Variants in CXCL9 observed in about 807,000 individuals in gnomAD.
CXCL9 encodes C-X-C motif chemokine 9.
Under a neutral mutation model 11.7 loss-of-function variants are expected in CXCL9, and 8 were observed. The ratio of observed to expected loss-of-function variants is 0.68; its 90% confidence interval spans 0.40 to 1.23. The LOEUF (loss-of-function observed/expected upper bound fraction) is 1.23, where lower values mean the gene tolerates loss of function less well. Ranked by LOEUF, CXCL9 falls within the 50% of genes most tolerant of loss-of-function variation. The pLI is 0.01. For synonymous variants in CXCL9, 43 were observed against 48.2 expected (o/e 0.89, Z 0.45); for missense variants, 133 against 141.7 (o/e 0.94, Z 0.31).
intron 1 of CXCL9, 114 bp from the exon 2 acceptor site, chr4:76,006,388 G>T: frequency 9.4e-7 from 1 of 1,068,238 alleles, no homozygotes. Context: ...TTTACCGAGT[G>T]CCTAAAAATA....
At chr4:76,007,287 C>T in intron 1 of CXCL9, 99 bp downstream of exon 1, 2 of 798,224 alleles carry the variant, frequency 2.5e-6, no homozygotes, top group South Asian at 2.7e-5. Flanking sequence ...AAATATTACT[C>T]TTCAATGCAG....
At chr4:76,006,125 A>C (rs190961446) in intron 2 of CXCL9, 23 bp downstream of exon 2, 17 of 1,608,884 alleles carry the variant, frequency 1.1e-5, no homozygotes, top group Non-Finnish European at 1.4e-5. Context: ...TGGTGCATGC[A>C]TGTTAGCTGG....
In CXCL9 at chr4:76,004,692, T is replaced by G. The variant is rs113881582; in HGVS notation, c.276+117A>C. The G allele has an allele frequency of 3.4e-4, 467 of 1,355,382 alleles. 3 individuals are homozygous for G. In the African/African-American group the frequency reaches 6.3e-3, roughly 18 times the overall value. The allele number at this position is 1,355,382 out of a possible 1,614,324, so 84.0% of individuals were successfully genotyped here. A position where few individuals can be genotyped will look rare whatever the true frequency, so the allele number is the denominator to read the frequency against. On this transcript the variant is annotated intron_variant, in intron 3 of 3. Coordinates refer to ENST00000264888, the MANE Select transcript of CXCL9 (RefSeq NM_002416.3). Reference sequence around the variant, plus strand: ...CAAAATAGAAGCACCATAATATGAATGAAAAATGTATTCTTAAAAGTTATG... The same window carrying G: ...CAAAATAGAAGCACCATAATATGAAGGAAAAATGTATTCTTAAAAGTTATG...
rs1731479634 is a variant in CXCL9, at chr4:76,002,146, G to C, written c.*1452C>G. Reference sequence around the variant, plus strand: ...AAGGATCTCGGTGGCTATCTTGTTAGATCTTAGAAAGCTGAGGCTTATTGA... The same window carrying C: ...AAGGATCTCGGTGGCTATCTTGTTACATCTTAGAAAGCTGAGGCTTATTGA... On this transcript the variant is annotated 3_prime_UTR_variant, in exon 4 of 4. Coordinates refer to ENST00000264888, the MANE Select transcript of CXCL9 (RefSeq NM_002416.3). The C allele has an allele frequency of 2.6e-6, 1 of 391,844 alleles. No individual in the cohort carries two copies. The highest frequency in any genetic ancestry group is 4.5e-6 in the Non-Finnish European group (1 of 223,566). The allele number at this position is 391,844 out of a possible 1,614,324, so 24.3% of individuals were successfully genotyped here. A position where few individuals can be genotyped will look rare whatever the true frequency, so the allele number is the denominator to read the frequency against.
At position 76,003,832 on chromosome 4, in the gene CXCL9, A is replaced by G. The variant is rs546415215; in HGVS notation, c.277-133T>C. ...CACATTAAAGTCACTTCACTCTCAGAGGGGCTCCCTTAGATTCTCTCTACT... is the reference window on the plus strand; with the variant it reads ...CACATTAAAGTCACTTCACTCTCAGGGGGGCTCCCTTAGATTCTCTCTACT... On this transcript the variant is annotated intron_variant, in intron 3 of 3. Transcript: ENST00000264888. The G allele has an allele frequency of 7.0e-4, 435 of 618,738 alleles. 3 individuals are homozygous for G. The highest frequency in any genetic ancestry group is 5.2e-3 in the Middle Eastern group (12 of 2,308). The allele number at this position is 618,738 out of a possible 1,614,324, so 38.3% of individuals were successfully genotyped here.
In CXCL9 at chr4:76,006,366, T is replaced by C. The variant is rs1050901371; in HGVS notation, c.65-92A>G. On this transcript the variant is annotated intron_variant, in intron 1 of 3. Transcript: ENST00000264888. Reference sequence around the variant, plus strand: ...AATGATACACTTGACTGAGTCATGATTATTGCTATCATTTACCGAGTGCCT... The same window carrying C: ...AATGATACACTTGACTGAGTCATGACTATTGCTATCATTTACCGAGTGCCT... 2.3e-6 allele frequency: 3 copies of C among 1,292,992 alleles called. No individual in the cohort carries two copies. In the African/African-American group the frequency reaches 4.5e-5, roughly 19 times the overall value. The allele number at this position is 1,292,992 out of a possible 1,614,324, so 80.1% of individuals were successfully genotyped here. A position where few individuals can be genotyped will look rare whatever the true frequency, so the allele number is the denominator to read the frequency against.
At chr4:76,004,955 G>A (rs1731557012) in intron 2 of CXCL9, 62 bp from the exon 3 acceptor site, 1 of 1,467,016 alleles carries the variant, frequency 6.8e-7, no homozygotes, top group Non-Finnish European at 9.0e-7. Flanking sequence ...CTTCTTCTCA[G>A]AAATAATGAA....
At position 76,003,651 on chromosome 4, in the gene CXCL9, T is replaced by C; in HGVS notation, c.325A>G (p.Lys109Glu). Residue 109 changes from lysine to glutamate, a missense_variant, in exon 4 of 4, where the codon AAA becomes GAA. Transcript: ENST00000264888. ...QKNGKKHQKK[K>E]VLKVRKSQRS... is the part of the protein sequence containing the mutation. ...TGAGATTTTCGAACTTTCAGAACTT[T>C]CTTTTTTTGATGTTTTTTCCCATTC... 1 of 1,613,010 alleles carries C rather than the reference T, an allele frequency of 6.2e-7. No individual in the cohort carries two copies. Among genetic ancestry groups the C allele is most frequent in the African/African-American group, 1.3e-5 (1 of 75,026 alleles).
chr4:76,006,039 A>G (rs777139160), intron 2 of CXCL9, 109 bp downstream of exon 2: 12 of 969,092 alleles, frequency 1.2e-5, no homozygotes, highest in Non-Finnish European at 1.9e-5. Flanking sequence ...GGGGGTAACC[A>G]TCTGATTTTT....
At position 76,003,584 on chromosome 4, in the gene CXCL9, GGT is replaced by G; in HGVS notation, c.*12_*13del. 7.1e-7 allele frequency: 1 copy of G among 1,402,148 alleles called. No homozygotes were observed. Among genetic ancestry groups the G allele is most frequent in the Non-Finnish European group, 1.0e-6 (1 of 992,336 alleles). 86.9% of individuals were successfully genotyped at this position (1,402,148 alleles called of 1,614,324 possible). A position where few individuals can be genotyped will look rare whatever the true frequency, so the allele number is the denominator to read the frequency against. ...ACATTTTTAACACAGAATACTTATT[GGT>G]GAAGTGGTCTCTTATGTAGTCTTCT... is the stretch of plus-strand genomic sequence containing the variant. On this transcript the variant is annotated 3_prime_UTR_variant, in exon 4 of 4. Transcript: ENST00000264888.
chr4:76,005,845 C>T (rs555517029), intron 2 of CXCL9: 2 of 252,686 alleles, frequency 7.9e-6, no homozygotes, highest in African/African-American at 2.2e-5. Context: ...AAACTGTATA[C>T]TAAGGGGTTA....
In CXCL9 at chr4:76,002,081, C is replaced by T. The variant is rs771401249; in HGVS notation, c.*1517G>A. 3.4e-5 allele frequency: 13 copies of T among 381,910 alleles called. No homozygotes were observed. The highest frequency in any genetic ancestry group is 5.5e-5 in the Non-Finnish European group (12 of 216,306). The allele number at this position is 381,910 out of a possible 1,614,324, so 23.7% of individuals were successfully genotyped here. A position where few individuals can be genotyped will look rare whatever the true frequency, so the allele number is the denominator to read the frequency against. ...CAATACAAACTCTGAAACAAGTAAA[C>T]GGACAATAAAACTCATATTTGCCTA... On this transcript the variant is annotated 3_prime_UTR_variant, in exon 4 of 4. Coordinates refer to ENST00000264888, the MANE Select transcript of CXCL9 (RefSeq NM_002416.3).
intron 3 of CXCL9, 32 bp downstream of exon 3, chr4:76,004,775 AAG>A (rs765669638): frequency 1.5e-5 from 23 of 1,583,018 alleles, no homozygotes; most frequent in Non-Finnish European, 1.8e-5. Flanking sequence ...TAATTTCTAA[AAG>A]AAAGAAAATT....
chr4:76,007,427 A>T lies in CXCL9; in HGVS notation c.23T>A (p.Phe8Tyr). MKKSGVL[F>Y]LLGIILLVLI... ...AACCAGCAAGATGATGCCCAAGAGG[A>T]AAAGAACACCACTTTTCTTCATAGT... Residue 8 changes from phenylalanine (F) to tyrosine (Y), a missense_variant, in exon 1 of 4, where the codon TTC becomes TAC. Physicochemically the swap from Phe to Tyr is conservative, Grantham distance 22. Transcript: ENST00000264888. The T allele has an allele frequency of 6.2e-7, 1 of 1,600,688 alleles. No individual in the cohort carries two copies. Among genetic ancestry groups the T allele is most frequent in the Non-Finnish European group, 8.6e-7 (1 of 1,167,770 alleles).
Position 76,002,372 on chromosome 4 carries a change from TA to T in CXCL9, c.*1225del, listed in dbSNP as rs2149341246. The T allele has an allele frequency of 2.5e-6, 1 of 398,476 alleles. No individual in the cohort carries two copies. Among genetic ancestry groups the T allele is most frequent in the East Asian group, 3.6e-5 (1 of 28,074 alleles). 24.7% of individuals were successfully genotyped at this position (398,476 alleles called of 1,614,324 possible). A position where few individuals can be genotyped will look rare whatever the true frequency, so the allele number is the denominator to read the frequency against. ...GAGAAGCTGAGCAAACATCCTGTCA[TA>T]AAAAGACAAGGATGTTGCATCATCC... is the stretch of plus-strand genomic sequence containing the variant. On this transcript the variant is annotated 3_prime_UTR_variant, in exon 4 of 4. Coordinates refer to ENST00000264888, the MANE Select transcript of CXCL9 (RefSeq NM_002416.3).
At position 76,004,895 on chromosome 4, in the gene CXCL9, T is replaced by A. The variant is rs1430249443; in HGVS notation, c.192-2A>T. 5 of 1,554,790 alleles carry A rather than the reference T, an allele frequency of 3.2e-6. No homozygotes were observed. In the Admixed American group the frequency reaches 5.9e-5, roughly 18 times the overall value. On this transcript the variant is annotated splice_acceptor_variant, in intron 2 of 3. Coordinates refer to ENST00000264888, the MANE Select transcript of CXCL9 (RefSeq NM_002416.3). LOFTEE classifies it high-confidence loss of function. ...TGAACTCCATTCTTCAGTGTAGCAC[T>A]GCCAAAGAAATAGCAATGAGATAGT... is the stretch of plus-strand genomic sequence containing the variant.
rs1354662097 is a variant in CXCL9, at chr4:76,003,554, A to G, written c.*44T>C. On this transcript the variant is annotated 3_prime_UTR_variant, in exon 4 of 4. Transcript: ENST00000264888. ...TTGGAATGATAGCGGTATAATTAAA[A>G]TAGAACATTTTTAACACAGAATACT... 2 of 1,136,062 alleles carry G rather than the reference A, an allele frequency of 1.8e-6. No individual in the cohort carries two copies. The highest frequency in any genetic ancestry group is 2.6e-5 in the South Asian group (2 of 77,168). The allele number at this position is 1,136,062 out of a possible 1,614,324, so 70.4% of individuals were successfully genotyped here. A position where few individuals can be genotyped will look rare whatever the true frequency, so the allele number is the denominator to read the frequency against.
At chr4:76,005,044 ATTTT>A in intron 2 of CXCL9, 151 bp from the exon 3 acceptor site, 1 of 944,512 alleles carries the variant, frequency 1.1e-6, no homozygotes, top group Non-Finnish European at 1.4e-6. Context: ...CACTGGTTGA[ATTTT>A]TTTTTTTTTC....
rs757244544 is a variant in CXCL9, at chr4:76,006,232, G to T, written c.107C>A (p.Thr36Asn). The change falls in exon 2 of 4, where the codon ACC becomes AAC. Residue 36 changes from threonine (T) to asparagine (N), a missense_variant. Coordinates refer to ENST00000264888, the MANE Select transcript of CXCL9 (RefSeq NM_002416.3). ...VRKGRCSCIS[T>N]NQGTIHLQSL... is the part of the protein sequence containing the mutation. ...TTGTAGGTGGATAGTCCCTTGGTTG[G>T]TGCTGATGCAGGAACAGCGACCCTT... The T allele has an allele frequency of 2.5e-6, 4 of 1,613,790 alleles. No individual in the cohort carries two copies. Among genetic ancestry groups the T allele is most frequent in the Non-Finnish European group, 3.4e-6 (4 of 1,179,730 alleles).
Sources: gnomAD v4.1 joint callset for allele counts on GRCh38, gnomAD v4.1.1 for gene constraint, MANE v1.5 for transcripts, NCBI Gene and HGNC (gene_info 2026-07-23, HGNC 2026-07-21) for gene names.